The following DAPK2 variants were observed in gnomAD, a reference collection of about 807,000 sequenced individuals.
DAPK2 encodes the protein death associated protein kinase 2, also known as death-associated protein kinase 2.
A neutral mutation model predicts 44.1 loss-of-function variants in DAPK2; 35 were observed. That is an observed-to-expected ratio of 0.79 (90% confidence interval 0.61 to 1.05). The LOEUF (loss-of-function observed/expected upper bound fraction) is 1.05, where lower values mean the gene tolerates loss of function less well. Ranked by LOEUF, DAPK2 falls within the 50% of genes least tolerant of loss-of-function variation. DAPK2 has a pLI of 0.00. For synonymous variants in DAPK2, 174 were observed against 182.6 expected (o/e 0.95, Z 0.38); for missense variants, 453 against 483.2 (o/e 0.94, Z 0.59).
At chr15:64,044,501 T>G (rs2080415836), upstream of DAPK2, among the ~76,000 whole-genome samples, 1 of 152,128 alleles carries the variant, frequency 6.6e-6, no homozygotes, top group Admixed American at 6.5e-5. Flanking sequence ...TCTAACCCAC[T>G]TGTTTTTACA....
chr15:63,942,474 C>T (rs1040493771), intron 3 of DAPK2, among the ~76,000 whole-genome samples: 1 of 152,036 alleles, frequency 6.6e-6, no homozygotes, highest in African/African-American at 2.4e-5. Context: ...ATCACTTGAA[C>T]CGGGGAGGTG....
At chr15:63,952,654 A>G (rs371169907) in intron 3 of DAPK2, among the ~76,000 whole-genome samples, 1 of 132,010 alleles carries the variant, frequency 7.6e-6, no homozygotes, top group Non-Finnish European at 1.6e-5. Context: ...GTTTTTTTTT[A>G]TTTATTTTTT....
intron 1 of DAPK2, among the ~76,000 whole-genome samples, chr15:64,005,052 G>A (rs2079189088): frequency 6.6e-6 from 1 of 152,098 alleles, no homozygotes; most frequent in Non-Finnish European, 1.5e-5. Context: ...TCCCAAACAG[G>A]GAAACTGAGC....
chr15:64,025,008 G>A (rs576726732), intron 1 of DAPK2, among the ~76,000 whole-genome samples: 40 of 152,210 alleles, frequency 2.6e-4, no homozygotes, highest in African/African-American at 9.4e-4. Context: ...ATTAGACACA[G>A]GACAACTGGA....
At chr15:64,021,648 C>A (rs1206645109) in intron 1 of DAPK2, among the ~76,000 whole-genome samples, 1 of 152,152 alleles carries the variant, frequency 6.6e-6, no homozygotes, top group African/African-American at 2.4e-5. Context: ...CAGAATGAAT[C>A]CCCAGAGAAC....
At chr15:63,947,991 G>C (rs540604969) in intron 3 of DAPK2, among the ~76,000 whole-genome samples, 25 of 152,200 alleles carry the variant, frequency 1.6e-4, no homozygotes, top group African/African-American at 6.0e-4. Context: ...ATACCTGATG[G>C]GCGCAGTGGC....
At chr15:64,035,637 T>C (rs1226535910) in intron 1 of DAPK2, among the ~76,000 whole-genome samples, 1 of 152,218 alleles carries the variant, frequency 6.6e-6, no homozygotes. Context: ...AGTTTCTCTT[T>C]ATGAGCCCTG....
intron 1 of DAPK2, among the ~76,000 whole-genome samples, chr15:64,030,823 T>G (rs2079989967): frequency 6.6e-6 from 1 of 152,024 alleles, no homozygotes; most frequent in African/African-American, 2.4e-5. Context: ...TTTAAAATTA[T>G]CAAAGTCTAG....
intron 3 of DAPK2, among the ~76,000 whole-genome samples, chr15:63,953,737 A>G (rs1443268611): frequency 1.3e-5 from 2 of 152,216 alleles, no homozygotes; most frequent in Non-Finnish European, 2.9e-5. Context: ...CATTCCCACC[A>G]ACAGTGTACG....
intron 8 of DAPK2, chr15:63,922,422 A>T: frequency 9.0e-7 from 1 of 1,113,708 alleles, no homozygotes; most frequent in Non-Finnish European, 1.1e-6. Context: ...TCACAAATCA[A>T]TTCTCAAGCA....
rs949988446 is a variant in DAPK2 at position 63,966,027 on chromosome 15, C to T, written c.453+5396G>A. ...TTTCCTCTTTCCATAGCCACCACAG[C>T]TGGGAATGTGCTGGGTCACACCTGA... On this transcript the variant is annotated intron_variant, in intron 3 of 10. Coordinates refer to ENST00000261891, the Ensembl canonical transcript of DAPK2. This position sits in a 1 kb window ranked among gnomAD's most constrained non-coding sequence, Gnocchi z 5.5. 7.2e-5 allele frequency among the ~76,000 whole-genome samples: 11 copies of T among 152,232 alleles called. No individual in the cohort carries two copies. The highest frequency in any genetic ancestry group is 1.5e-4 in the Non-Finnish European group (10 of 68,040).
intron 3 of DAPK2, among the ~76,000 whole-genome samples, chr15:63,948,433 G>A (rs1316293210): frequency 6.6e-6 from 1 of 152,064 alleles, no homozygotes; most frequent in Non-Finnish European, 1.5e-5. Flanking sequence ...GCCAGAGAAG[G>A]AGCAAGAAGG....
At chr15:63,985,648 T>C (rs1030345167) in intron 1 of DAPK2, among the ~76,000 whole-genome samples, 2 of 152,192 alleles carry the variant, frequency 1.3e-5, no homozygotes, top group Admixed American at 6.5e-5. Context: ...ACAGAGCACA[T>C]AGGCAGTGGC....
At chr15:63,943,439 A>G (rs2077368206) in intron 3 of DAPK2, among the ~76,000 whole-genome samples, 3 of 152,164 alleles carry the variant, frequency 2.0e-5, no homozygotes, top group Admixed American at 1.3e-4. Context: ...AAGAAAAAAG[A>G]AAAGAAACCG....
chr15:63,990,836 C>T lies in DAPK2; in HGVS notation c.93-7082G>A, dbSNP rs2078797876. Among the ~76,000 whole-genome samples the T allele has an allele frequency of 6.6e-6, 1 of 152,200 alleles. No individual in the cohort carries two copies. The highest frequency in any genetic ancestry group is 2.4e-5 in the African/African-American group (1 of 41,444). On this transcript the variant is annotated intron_variant, in intron 1 of 10. Transcript: ENST00000261891. This position sits in a 1 kb window ranked among gnomAD's most constrained non-coding sequence, Gnocchi z 4.3. ...CAATGTGTCTCAAAGGCAGGAGCAG[C>T]TCAAAGCTGTAGTCCACAAGAACCA...
chr15:63,932,613 G>T (rs912052088), intron 4 of DAPK2: 4 of 152,018 alleles, frequency 2.6e-5, no homozygotes, highest in Non-Finnish European at 4.4e-5. Flanking sequence ...GAGGACAGTA[G>T]CTTGAGAAGG....
intron 2 of DAPK2, among the ~76,000 whole-genome samples, chr15:63,973,798 C>A (rs922179): frequency 0.87 from 132,246 of 152,200 alleles, 57,876 homozygotes; most frequent in East Asian, 0.97. Context: ...GATGACAAAG[C>A]GGAACAAATG....
Position 63,908,406 on chromosome 15 carries a change from T to C in DAPK2, c.*114A>G. On this transcript the variant is annotated 3_prime_UTR_variant, in exon 11 of 11. Transcript: ENST00000261891. This position sits in a 1 kb window ranked among gnomAD's most constrained non-coding sequence, Gnocchi z 5.7. ...TCTGAATTCCTTGGGCCCATCTCTC[T>C]TGCAAAGTGCTCAGGACGCCCGGGT... is the stretch of plus-strand genomic sequence containing the variant. 3.5e-6 allele frequency: 2 copies of C among 564,914 alleles called. No homozygotes were observed. The highest frequency in any genetic ancestry group is 5.9e-6 in the Non-Finnish European group (2 of 341,534). 35.0% of individuals were successfully genotyped at this position (564,914 alleles called of 1,614,324 possible).
chr15:63,947,994 G>T (rs1047220088), intron 3 of DAPK2, among the ~76,000 whole-genome samples: 1 of 152,120 alleles, frequency 6.6e-6, no homozygotes, highest in East Asian at 1.9e-4. Flanking sequence ...CCTGATGGGC[G>T]CAGTGGCTCA....
Sources: allele counts gnomAD v4.1 joint callset (sites outside exome capture counted in the v4.1 genomes callset), GRCh38; gene constraint gnomAD v4.1.1; non-coding constraint Gnocchi (gnomAD v3.1); transcripts MANE v1.5; gene names NCBI Gene and HGNC (gene_info 2026-07-23, HGNC 2026-07-21).